The following SAMD4A variants were observed in gnomAD, a reference collection of about 807,000 sequenced individuals.
The protein encoded by SAMD4A is protein Smaug homolog 1.
Under a neutral mutation model 81.3 loss-of-function variants are expected in SAMD4A, and 33 were observed. That is an observed-to-expected ratio of 0.41 (90% CI 0.31 to 0.54). The LOEUF (loss-of-function observed/expected upper bound fraction) is 0.54. SAMD4A is among the 20% of genes least tolerant of loss of function. The pLI, the probability that SAMD4A is intolerant of heterozygous loss-of-function variation, is 0.37. For synonymous variants in SAMD4A, 389 were observed against 382.1 expected (o/e 1.02, Z -0.21); for missense variants, 854 against 951.1 (o/e 0.90, Z 1.34).
At chr14:54,583,480 G>A (rs1305905652) in intron 2 of SAMD4A, among the ~76,000 whole-genome samples, 1 of 152,164 alleles carries the variant, frequency 6.6e-6, no homozygotes, top group Non-Finnish European at 1.5e-5. Context: ...CTGTTGTGCA[G>A]TCTTCTATTA....
intron 2 of SAMD4A, among the ~76,000 whole-genome samples, chr14:54,641,788 A>G (rs1370640763): frequency 6.6e-6 from 1 of 152,076 alleles, no homozygotes; most frequent in Non-Finnish European, 1.5e-5. Flanking sequence ...AGAAGTCAGT[A>G]AGTTTATTGT....
chr14:54,749,322 G>C (rs1292812824), intron 5 of SAMD4A, among the ~76,000 whole-genome samples: 1 of 152,134 alleles, frequency 6.6e-6, no homozygotes, highest in African/African-American at 2.4e-5. Flanking sequence ...TGCTCGAGCA[G>C]GGCTTGGCTT....
Position 54,789,273 on chromosome 14 carries a change from C to T in SAMD4A, c.*329C>T. The stretch of plus-strand genomic sequence containing the variant: ...TGGAACGGGGACAGGGGAAAGAGTA[C>T]TGCCATGAAAGAGATAGGAGACACA... On this transcript the variant is annotated 3_prime_UTR_variant, in exon 13 of 13. Coordinates refer to ENST00000554335, the MANE Select transcript of SAMD4A (RefSeq NM_015589.6). The T allele has an allele frequency of 2.4e-6, 1 of 419,774 alleles. No individual in the cohort carries two copies. The highest frequency in any genetic ancestry group is 2.9e-5 in the South Asian group (1 of 33,964). The allele number at this position is 419,774 out of a possible 1,614,324, so 26.0% of individuals were successfully genotyped here. A position where few individuals can be genotyped will look rare whatever the true frequency, so the allele number is the denominator to read the frequency against.
chr14:54,776,855 AGTGTGTGTGTGT>A lies in SAMD4A; in HGVS notation c.2044+331_2044+342del, dbSNP rs34095224. Among the ~76,000 whole-genome samples, 21 of 149,968 alleles carry A rather than the reference AGTGTGTGTGTGT, an allele frequency of 1.4e-4. No homozygotes were observed. The East Asian group carries it at 1.6e-3, about 11-fold the overall frequency. On this transcript the variant is annotated intron_variant, in intron 11 of 12. Coordinates refer to ENST00000554335, the MANE Select transcript of SAMD4A (RefSeq NM_015589.6). ...GGGGAGGTGGGAGGGCTCCATGTGTAGTGTGTGTGTGTGTGTGTGTGTGTGTGGAAAGAGAAA... is the reference window on the plus strand; with the variant it reads ...GGGGAGGTGGGAGGGCTCCATGTGTAGTGTGTGTGTGTGTGGAAAGAGAAA...
At chr14:54,625,152 A>G (rs2034714585) in intron 2 of SAMD4A, among the ~76,000 whole-genome samples, 1 of 152,106 alleles carries the variant, frequency 6.6e-6, no homozygotes, top group Non-Finnish European at 1.5e-5. Context: ...CAGCCCATAA[A>G]AGGTTTTCAG....
intron 2 of SAMD4A, among the ~76,000 whole-genome samples, chr14:54,601,021 G>A (rs908729271): frequency 6.6e-6 from 1 of 152,194 alleles, no homozygotes. Context: ...GGCTTCAGCT[G>A]AAATTGCCAT....
chr14:54,624,692 C>T (rs1471519661), intron 2 of SAMD4A, among the ~76,000 whole-genome samples: 2 of 152,144 alleles, frequency 1.3e-5, no homozygotes, highest in Non-Finnish European at 2.9e-5. Flanking sequence ...ACTTATATGG[C>T]TATACAATTA....
chr14:54,632,736 A>G (rs1055679183), intron 2 of SAMD4A, among the ~76,000 whole-genome samples: 2 of 152,194 alleles, frequency 1.3e-5, no homozygotes, highest in African/African-American at 2.4e-5. Context: ...TGAATCCTCA[A>G]TTTACCACTT....
intron 2 of SAMD4A, chr14:54,681,742 CTT>C (rs148253089): frequency 2.0e-5 from 20 of 978,400 alleles, no homozygotes; most frequent in Admixed American, 6.1e-5. Context: ...TTTTAGAAAA[CTT>C]TTTTATTTTA....
intron 3 of SAMD4A, among the ~76,000 whole-genome samples, chr14:54,706,878 G>A (rs984467765): frequency 2.0e-4 from 31 of 152,094 alleles, no homozygotes; most frequent in African/African-American, 7.0e-4. Context: ...AAGAGGCCAA[G>A]CATTGACACC....
chr14:54,760,115 C>T, intron 6 of SAMD4A, 46 bp from the exon 7 acceptor site: 1 of 1,588,976 alleles, frequency 6.3e-7, no homozygotes, highest in Non-Finnish European at 8.6e-7. Context: ...GGTGGATGAC[C>T]CTTATTCCTG....
intron 2 of SAMD4A, among the ~76,000 whole-genome samples, chr14:54,662,145 T>C (rs2035655452): frequency 6.6e-6 from 1 of 152,200 alleles, no homozygotes; most frequent in African/African-American, 2.4e-5. Context: ...TGTCTCTCTC[T>C]GGAAGGGGTT....
chr14:54,684,313 A>G (rs1355364305), intron 2 of SAMD4A, among the ~76,000 whole-genome samples: 1 of 152,192 alleles, frequency 6.6e-6, no homozygotes, highest in Admixed American at 6.5e-5. Context: ...CTTTCAGGAA[A>G]TGGATTACTC....
chr14:54,686,613 G>T (rs1445483274), intron 2 of SAMD4A, among the ~76,000 whole-genome samples: 1 of 151,776 alleles, frequency 6.6e-6, no homozygotes, highest in African/African-American at 2.4e-5. Flanking sequence ...GTTTGAGTTG[G>T]CAACTCAAAA....
chr14:54,729,319 T>C (rs1256606667), intron 3 of SAMD4A, among the ~76,000 whole-genome samples: 6 of 152,202 alleles, frequency 3.9e-5, no homozygotes, highest in African/African-American at 1.4e-4. Context: ...TGTGAGCTGA[T>C]GAAACAGCAC....
intron 12 of SAMD4A, among the ~76,000 whole-genome samples, chr14:54,787,830 C>T (rs2039178950): frequency 6.6e-6 from 1 of 152,156 alleles, no homozygotes; most frequent in African/African-American, 2.4e-5. Context: ...GCCAGAGAAA[C>T]CATTCTAAAA....
chr14:54,629,474 A>C (rs1253852388), intron 2 of SAMD4A, among the ~76,000 whole-genome samples: 1 of 152,220 alleles, frequency 6.6e-6, no homozygotes, highest in African/African-American at 2.4e-5. Flanking sequence ...TGATACATGA[A>C]TATTTCGTTT....
chr14:54,638,482 T>C (rs942605), intron 2 of SAMD4A, among the ~76,000 whole-genome samples: 1 of 152,192 alleles, frequency 6.6e-6, no homozygotes, highest in Non-Finnish European at 1.5e-5. Flanking sequence ...ATGGATATTG[T>C]CATCTTAAAC....
In SAMD4A at chr14:54,781,806, G is replaced by C. The variant is rs77472802; in HGVS notation, c.2045-2731G>C. Among the ~76,000 whole-genome samples the C allele has an allele frequency of 1.8e-3, 279 of 152,362 alleles. 1 individual carries two copies. The highest frequency in any genetic ancestry group is 6.6e-3 in the African/African-American group (273 of 41,586). ...CTGGGGCACCTAGCCCCATACAGCT[G>C]AGGGTTCCTAGCCTGAGATGGAAGC... On this transcript the variant is annotated intron_variant, in intron 11 of 12. Coordinates refer to ENST00000554335, the MANE Select transcript of SAMD4A (RefSeq NM_015589.6).
Sources: gnomAD v4.1 joint callset for allele counts (sites outside exome capture counted in the v4.1 genomes callset) on GRCh38, gnomAD v4.1.1 for gene constraint, MANE v1.5 for transcripts, NCBI Gene and HGNC (gene_info 2026-07-23, HGNC 2026-07-21) for gene names.